Variants in AVEN observed in about 807,000 individuals in gnomAD.
AVEN encodes apoptosis and caspase activation inhibitor.
A neutral mutation model predicts 38.1 loss-of-function variants in AVEN; 41 were observed. The ratio of observed to expected loss-of-function variants is 1.08; its 90% CI spans 0.84 to 1.40. AVEN has a LOEUF of 1.40. AVEN is among the 40% of genes most tolerant of loss of function. The pLI is 0.00. For missense variants in AVEN, 605 were observed against 438.8 expected (o/e 1.38, Z -3.38); for synonymous variants, 206 against 171.8 (o/e 1.20, Z -1.56).
intron 2 of AVEN, among the ~76,000 whole-genome samples, chr15:33,907,920 C>A (rs1389226974): frequency 6.6e-6 from 1 of 151,650 alleles, no homozygotes; most frequent in African/African-American, 2.4e-5. Flanking sequence ...AAACACAATA[C>A]AAAATGCATC....
intron 2 of AVEN, among the ~76,000 whole-genome samples, chr15:33,960,989 G>A (rs2140469568): frequency 6.6e-6 from 1 of 152,066 alleles, no homozygotes; most frequent in Middle Eastern, 3.4e-3. Context: ...TGTATTTCTG[G>A]TAAAAATATT....
At chr15:33,927,199 G>A (rs1438239522) in intron 2 of AVEN, among the ~76,000 whole-genome samples, 1 of 151,756 alleles carries the variant, frequency 6.6e-6, no homozygotes, top group Non-Finnish European at 1.5e-5. Context: ...AGCTTGCAGT[G>A]AGCCAAGATC....
intron 2 of AVEN, among the ~76,000 whole-genome samples, chr15:33,998,974 G>C (rs1597331461): frequency 6.6e-6 from 1 of 152,188 alleles, no homozygotes; most frequent in South Asian, 2.1e-4. Context: ...CCTGGATCCT[G>C]AACCCCACAT....
At chr15:33,858,407 A>G (rs774119301), downstream of AVEN, among the ~76,000 whole-genome samples, 2 of 151,844 alleles carry the variant, frequency 1.3e-5, no homozygotes, top group Non-Finnish European at 2.9e-5. Context: ...GGGTTTCTCT[A>G]TGTTGGTCAG....
intron 2 of AVEN, among the ~76,000 whole-genome samples, chr15:33,943,171 G>A (rs1894379492): frequency 6.6e-6 from 1 of 152,198 alleles, no homozygotes; most frequent in African/African-American, 2.4e-5. Context: ...CATGTTCATA[G>A]GAGCACAATT....
intron 2 of AVEN, among the ~76,000 whole-genome samples, chr15:33,941,872 C>T (rs1049996737): frequency 6.6e-6 from 1 of 152,204 alleles, no homozygotes; most frequent in Non-Finnish European, 1.5e-5. Context: ...TTACACACTT[C>T]AGCTTTCCAG....
At chr15:34,070,758 C>CAGGCAAAAGACTG in intron 1 of AVEN, among the ~76,000 whole-genome samples, 1 of 152,198 alleles carries the variant, frequency 6.6e-6, no homozygotes, top group African/African-American at 2.4e-5. Context: ...TAAGTAATAA[C>CAGGCAAAAGACTG]AGGCAAAAGA....
intron 2 of AVEN, among the ~76,000 whole-genome samples, chr15:33,985,058 T>C (rs1246248202): frequency 6.6e-6 from 1 of 152,080 alleles, no homozygotes; most frequent in East Asian, 1.9e-4. Flanking sequence ...CAGCACTCTG[T>C]ACCTGTCACA....
chr15:33,966,350 A>G (rs1895382249), intron 2 of AVEN, among the ~76,000 whole-genome samples: 1 of 152,202 alleles, frequency 6.6e-6, no homozygotes, highest in Admixed American at 6.5e-5. Flanking sequence ...CTAAGCTTTC[A>G]AAAAGTGATT....
intron 2 of AVEN, among the ~76,000 whole-genome samples, chr15:33,944,869 G>A (rs1435073345): frequency 6.6e-6 from 1 of 151,600 alleles, no homozygotes; most frequent in Non-Finnish European, 1.5e-5. Flanking sequence ...AAGTAAAAAT[G>A]ATAGAAATGC....
rs141694085 is a variant in AVEN at position 33,907,501 on chromosome 15, T to C, written c.446-31506A>G. ...ATATTTTTCACTGGTTTAAAAGATTTTTGTTGCTAAGTCAGCTCATCAGGA... is the reference window on the plus strand; with the variant it reads ...ATATTTTTCACTGGTTTAAAAGATTCTTGTTGCTAAGTCAGCTCATCAGGA... On this transcript the variant is annotated intron_variant, in intron 2 of 5. Coordinates refer to ENST00000306730, the MANE Select transcript of AVEN (RefSeq NM_020371.3). Among the ~76,000 whole-genome samples, 278 of 152,326 alleles carry C rather than the reference T, an allele frequency of 1.8e-3. 1 individual carries two copies. Among genetic ancestry groups the C allele is most frequent in the Non-Finnish European group, 3.5e-3 (238 of 68,024 alleles).
chr15:33,864,085 A>C, downstream of AVEN: 1 of 1,368,158 alleles, frequency 7.3e-7, no homozygotes, highest in Non-Finnish European at 1.0e-6. Flanking sequence ...AATCCATGCG[A>C]ATGAACTTGG....
At chr15:33,898,644 GACCTC>G (rs1567403346) in intron 2 of AVEN, among the ~76,000 whole-genome samples, 2 of 152,114 alleles carry the variant, frequency 1.3e-5, no homozygotes, top group African/African-American at 4.8e-5. Flanking sequence ...CATCTTGTGT[GACCTC>G]ATCTTCACTT....
intron 4 of AVEN, among the ~76,000 whole-genome samples, chr15:33,868,092 T>C (rs2029945551): frequency 1.3e-5 from 2 of 152,216 alleles, no homozygotes; most frequent in African/African-American, 4.8e-5. Context: ...TCTCCCTACC[T>C]TGACCATGTG....
At chr15:34,029,552 A>G (rs2140753762) in intron 1 of AVEN, among the ~76,000 whole-genome samples, 1 of 151,148 alleles carries the variant, frequency 6.6e-6, no homozygotes, top group South Asian at 2.1e-4. Flanking sequence ...TTGAAAAGGA[A>G]ATGGTTTTAA....
At chr15:33,970,008 T>G (rs931220095) in intron 2 of AVEN, among the ~76,000 whole-genome samples, 1 of 152,044 alleles carries the variant, frequency 6.6e-6, no homozygotes, top group Non-Finnish European at 1.5e-5. Flanking sequence ...TTGGTTTTCA[T>G]GAGTTTCATT....
At chr15:33,930,954 CA>C (rs61006422) in intron 2 of AVEN, among the ~76,000 whole-genome samples, 59,619 of 110,454 alleles carry the variant, frequency 0.54, 13,573 homozygotes, top group East Asian at 0.63. Context: ...GACTCTGTCT[CA>C]AAAAAAAAAA....
chr15:34,035,565 TC>T (rs1438705205), intron 1 of AVEN, among the ~76,000 whole-genome samples: 16 of 152,238 alleles, frequency 1.1e-4, no homozygotes, highest in African/African-American at 3.4e-4. Context: ...AAAAGTTATT[TC>T]ACCTCTCCTA....
In AVEN at chr15:34,050,709, C is replaced by A. The variant is rs141509449; in HGVS notation, n.1637+12213G>T. 9.3e-4 allele frequency among the ~76,000 whole-genome samples: 142 copies of A among 152,210 alleles called. 6 individuals carry two copies. In the East Asian group the frequency reaches 0.026, roughly 28 times the overall value. ...AAAGTAGGGGTTGCCATCCTAGTTT[C>A]TGACAAAACAGACTTTAAACCAATA... On this transcript the variant is annotated intron_variant and non_coding_transcript_variant, in intron 5 of 11. Transcript: ENST00000675287.
Sources: allele counts gnomAD v4.1 joint callset (sites outside exome capture counted in the v4.1 genomes callset), GRCh38; gene constraint gnomAD v4.1.1; transcripts MANE v1.5; gene names NCBI Gene and HGNC (gene_info 2026-07-23, HGNC 2026-07-21).